Variants in CBL observed in about 807,000 individuals in gnomAD.
The protein encoded by CBL is Cbl proto-oncogene, also known as E3 ubiquitin-protein ligase CBL.
A neutral mutation model predicts 96.9 loss-of-function variants in CBL; 45 were observed. The ratio of observed to expected loss-of-function variants is 0.46; its 90% confidence interval spans 0.37 to 0.60. The LOEUF (loss-of-function observed/expected upper bound fraction) is 0.60. CBL is among the 20% of genes least tolerant of loss of function. The pLI, the probability that CBL is intolerant of heterozygous loss-of-function variation, is 0.00. For missense variants in CBL, 1,024 were observed against 1,143.5 expected, an observed-to-expected ratio of 0.90 and a Z score of 1.51; for synonymous variants, 420 against 426.8, an observed-to-expected ratio of 0.98 and a Z score of 0.20.
chr11:119,212,898 A>G (rs1949329385), intron 1 of CBL, among the ~76,000 whole-genome samples: 1 of 151,092 alleles, frequency 6.6e-6, no homozygotes, highest in Non-Finnish European at 1.5e-5. Context: ...TCCTGGCTAC[A>G]GGAGGCAGAG....
chr11:119,215,001 G>A (rs1383579751), intron 1 of CBL, among the ~76,000 whole-genome samples: 1 of 146,842 alleles, frequency 6.8e-6, no homozygotes, highest in African/African-American at 2.5e-5. Context: ...AACATGATTT[G>A]TGTTTTATGC....
rs761001752 is a variant in CBL, at chr11:119,285,307, A to G, written c.1682A>G (p.Gln561Arg). 6.2e-7 allele frequency: 1 copy of G among 1,614,096 alleles called. No individual in the cohort carries two copies. The highest frequency in any genetic ancestry group is 1.7e-5 in the Admixed American group (1 of 59,996). ...PYSVGAESRP[Q>R]RRPLPCTPGD... ...TCTGTTGGAGCAGAATCCCGACCTC[A>G]AAGACGCCCCTTGCCTTGTACACCA... The change falls in exon 11 of 16, where the codon CAA (glutamine) becomes CGA (arginine). Residue 561 changes from glutamine (Q) to arginine (R), a missense_variant. Coordinates refer to ENST00000264033, the MANE Select transcript of CBL (RefSeq NM_005188.4).
At chr11:119,298,996 C>T (rs923519202) in intron 15 of CBL, among the ~76,000 whole-genome samples, 3 of 152,212 alleles carry the variant, frequency 2.0e-5, no homozygotes, top group Admixed American at 1.3e-4. Context: ...GGGCAGCAGC[C>T]AGAGTTGCTG....
chr11:119,232,724 AT>A (rs1204481814), intron 2 of CBL, 29 bp downstream of exon 2: 1 of 1,608,222 alleles, frequency 6.2e-7, no homozygotes, highest in East Asian at 2.2e-5. Flanking sequence ...ACAAATAATT[AT>A]GCAGGTCTGT....
chr11:119,269,291 G>A (rs1332694345), intron 2 of CBL, among the ~76,000 whole-genome samples: 1 of 144,180 alleles, frequency 6.9e-6, no homozygotes, highest in Non-Finnish European at 1.5e-5. Flanking sequence ...CTGTCGTCCA[G>A]GCTGGAGTGC....
Position 119,297,425 on chromosome 11 carries a change from A to C in CBL, c.2195A>C (p.Glu732Ala), listed in dbSNP as rs1178824800. 1 of 1,613,814 alleles carries C rather than the reference A, an allele frequency of 6.2e-7. No homozygotes were observed. The highest frequency in any genetic ancestry group is 8.5e-7 in the Non-Finnish European group (1 of 1,179,966). ...CAGCAGATTGATAGCTGTACGTATG[A>C]AGCAATGTATAATATTCAGTCCCAG... is the stretch of plus-strand genomic sequence containing the variant. ...CDQQIDSCTYEAMYNIQSQAP... is the reference protein window; with the variant it reads ...CDQQIDSCTYAAMYNIQSQAP... Residue 732 changes from glutamate to alanine, a missense_variant, in exon 14 of 16, where the codon GAA (glutamate) becomes GCA (alanine). Around this residue, in one of 4 missense-constraint regions of CBL, gnomAD observed 695 missense variants for 661.6 expected, o/e 1.05. Coordinates refer to ENST00000264033, the MANE Select transcript of CBL (RefSeq NM_005188.4).
chr11:119,220,982 AC>A (rs200783122), intron 1 of CBL, among the ~76,000 whole-genome samples: 1,660 of 152,210 alleles, frequency 0.011, 10 homozygotes, highest in Non-Finnish European at 0.015. Context: ...GCAGTGGCTT[AC>A]GCCTGTAATC....
chr11:119,223,650 GTC>G (rs901431526), intron 1 of CBL, among the ~76,000 whole-genome samples: 12 of 149,246 alleles, frequency 8.0e-5, no homozygotes, highest in South Asian at 2.1e-4. Flanking sequence ...TTGAGACAGC[GTC>G]TCTCTCTCTC....
rs777427707 is a variant in CBL, at chr11:119,206,406, C to G, written c.-12C>G. On this transcript the variant is annotated 5_prime_UTR_variant, in exon 1 of 16. Transcript: ENST00000264033. ...CCGGCGGACCCGCCTGGGCTCCGAC[C>G]CTGCCCAGGCCATGGCCGGCAACGT... The G allele has an allele frequency of 1.3e-6, 2 of 1,540,454 alleles. No homozygotes were observed.
At chr11:119,270,742 G>A (rs1003414171) in intron 2 of CBL, among the ~76,000 whole-genome samples, 3 of 152,012 alleles carry the variant, frequency 2.0e-5, no homozygotes, top group African/African-American at 4.8e-5. Context: ...CACCGCGCCC[G>A]GCCATTTTTA....
At chr11:119,290,071 C>T (rs1478512550) in intron 12 of CBL, among the ~76,000 whole-genome samples, 1 of 151,578 alleles carries the variant, frequency 6.6e-6, no homozygotes, top group Non-Finnish European at 1.5e-5. Flanking sequence ...TTTAAATCAG[C>T]ATCTCTGTTT....
intron 2 of CBL, among the ~76,000 whole-genome samples, chr11:119,233,714 C>G (rs922077097): frequency 6.6e-6 from 1 of 152,012 alleles, no homozygotes; most frequent in Non-Finnish European, 1.5e-5. Flanking sequence ...AAAATAATTC[C>G]ACTAGAATTT....
intron 3 of CBL, among the ~76,000 whole-genome samples, chr11:119,273,526 T>C (rs545007934): frequency 9.9e-5 from 15 of 152,198 alleles, no homozygotes; most frequent in Non-Finnish European, 1.8e-4. Flanking sequence ...GTTCAAGTGA[T>C]TTTCCCCCCT....
At chr11:119,221,016 T>A (rs1033056720) in intron 1 of CBL, among the ~76,000 whole-genome samples, 1 of 151,568 alleles carries the variant, frequency 6.6e-6, no homozygotes, top group African/African-American at 2.4e-5. Context: ...GAGGCCGGGG[T>A]GGGCGATCAT....
Position 119,306,490 on chromosome 11 carries a change from A to C in CBL, c.*6709A>C. 2.5e-6 allele frequency: 1 copy of C among 395,720 alleles called. No individual in the cohort carries two copies. The highest frequency in any genetic ancestry group is 4.4e-6 in the Non-Finnish European group (1 of 225,102). The allele number at this position is 395,720 out of a possible 1,614,324, so 24.5% of individuals were successfully genotyped here. A position where few individuals can be genotyped will look rare whatever the true frequency, so the allele number is the denominator to read the frequency against. ...TATTGCTCAATGCGTGCTATGTGCA[A>C]CTCCTCAGGCCTTGTGCCACCTCCA... On this transcript the variant is annotated 3_prime_UTR_variant, in exon 16 of 16. Coordinates refer to ENST00000264033, the MANE Select transcript of CBL (RefSeq NM_005188.4).
intron 2 of CBL, among the ~76,000 whole-genome samples, chr11:119,251,274 T>C (rs1369655419): frequency 6.6e-6 from 1 of 152,226 alleles, no homozygotes; most frequent in Non-Finnish European, 1.5e-5. Context: ...AAGGACAGTA[T>C]TTTTCTCTTT....
At chr11:119,256,060 A>G (rs1949708601) in intron 2 of CBL, among the ~76,000 whole-genome samples, 1 of 151,084 alleles carries the variant, frequency 6.6e-6, no homozygotes, top group Non-Finnish European at 1.5e-5. Flanking sequence ...AATGCCTGCC[A>G]TCTAGTAGGC....
intron 1 of CBL, among the ~76,000 whole-genome samples, chr11:119,209,195 C>T (rs1565852433): frequency 6.6e-6 from 1 of 152,162 alleles, no homozygotes; most frequent in Non-Finnish European, 1.5e-5. Context: ...CATAAGGTGT[C>T]CTCTTTTTTC....
chr11:119,301,914 G>C lies in CBL; in HGVS notation c.*2133G>C, dbSNP rs776328068. The C allele has an allele frequency of 3.0e-5, 7 of 233,158 alleles. No homozygotes were observed. The highest frequency in any genetic ancestry group is 5.9e-5 in the Non-Finnish European group (7 of 118,002). The allele number at this position is 233,158 out of a possible 1,614,324, so 14.4% of individuals were successfully genotyped here. The stretch of plus-strand genomic sequence containing the variant: ...ACAAAGAACTAGAAAAAAAAAAGCA[G>C]TTTCCAGGCCCATCCATATTGTAAT... On this transcript the variant is annotated 3_prime_UTR_variant, in exon 16 of 16. Coordinates refer to ENST00000264033, the MANE Select transcript of CBL (RefSeq NM_005188.4).
Sources: allele counts gnomAD v4.1 joint callset (sites outside exome capture counted in the v4.1 genomes callset), GRCh38; gene constraint gnomAD v4.1.1; regional missense constraint gnomAD v4.1.1; transcripts MANE v1.5; gene names NCBI Gene and HGNC (gene_info 2026-07-23, HGNC 2026-07-21).